TRIOBP: variants seen among roughly 807,000 people sequenced by gnomAD.
TRIOBP encodes TRIO and F-actin-binding protein.
Under a neutral mutation model 238.8 loss-of-function variants are expected in TRIOBP, and 169 were observed. That is an observed-to-expected ratio of 0.71 (90% CI 0.62 to 0.80). The LOEUF is 0.80. Among genes scored for constraint, TRIOBP ranks in the 30% least tolerant of loss-of-function variants. TRIOBP has a pLI of 0.00. For missense variants in TRIOBP, 2,838 were observed against 3,122.6 expected (o/e 0.91, Z 2.17); for synonymous variants, 1,150 against 1,274.4 (o/e 0.90, Z 2.08).
chr22:37,753,335 C>T (rs1352184539), intron 12 of TRIOBP, among the ~76,000 whole-genome samples: 2 of 151,916 alleles, frequency 1.3e-5, no homozygotes, highest in Admixed American at 6.6e-5. Context: ...AGTGCAGTGG[C>T]GCAACCTCGG....
intron 9 of TRIOBP, among the ~76,000 whole-genome samples, chr22:37,735,980 C>T (rs1476346012): frequency 1.3e-5 from 2 of 152,252 alleles, no homozygotes; most frequent in Non-Finnish European, 2.9e-5. Context: ...TCCAGGACAG[C>T]CTCGCTTACC....
Position 37,765,829 on chromosome 22 carries a change from G to GC in TRIOBP, c.6472+12_6472+13insC, listed in dbSNP as rs1555901289. The GC allele has an allele frequency of 7.6e-5, 110 of 1,439,878 alleles. No homozygotes were observed. Among genetic ancestry groups the GC allele is most frequent in the South Asian group, 1.7e-4 (14 of 84,028 alleles). The allele number at this position is 1,439,878 out of a possible 1,614,324, so 89.2% of individuals were successfully genotyped here. ...AGCCACGGCCTCAGGTATGGACCCTGGGGGGGGCACAGTGGGCTGGGCTCT... is the reference window on the plus strand; with the variant it reads ...AGCCACGGCCTCAGGTATGGACCCTGCGGGGGGGCACAGTGGGCTGGGCTCT... On this transcript the variant is annotated intron_variant, in intron 18 of 23. Transcript: ENST00000644935.
At chr22:37,772,893 A>G in intron 23 of TRIOBP, 129 bp downstream of exon 23, 1 of 1,180,934 alleles carries the variant, frequency 8.5e-7, no homozygotes, top group Non-Finnish European at 1.2e-6. Flanking sequence ...TGTAAAAAGG[A>G]CAATGAAACC....
intron 5 of TRIOBP, 42 bp downstream of exon 5, chr22:37,713,453 A>T: frequency 6.2e-7 from 1 of 1,601,362 alleles, no homozygotes; most frequent in Non-Finnish European, 8.5e-7. Context: ...AGTGGCTCAC[A>T]CCTCCATCTG....
rs1469960003 is a variant in TRIOBP at position 37,724,963 on chromosome 22, G to T, written c.2407G>T (p.Ala803Ser). Residue 803 changes from alanine to serine, a missense_variant, in exon 7 of 24, where the codon GCC (alanine) becomes TCC (serine). Physicochemically the swap from Ala to Ser is moderately conservative, Grantham distance 99. Coordinates refer to ENST00000644935, the MANE Select transcript of TRIOBP (RefSeq NM_001039141.3). ...TSCAQRDNLR[A>S]SSPIRATQQD... ...CTGTGCCCAGCGGGACAATCTCAGA[G>T]CCTCCTCTCCCATCAGAGCCACCCA... 10 of 1,613,698 alleles carry T rather than the reference G, an allele frequency of 6.2e-6. No individual in the cohort carries two copies. Among genetic ancestry groups the T allele is most frequent in the Non-Finnish European group, 8.5e-6 (10 of 1,179,954 alleles).
intron 9 of TRIOBP, among the ~76,000 whole-genome samples, chr22:37,737,505 C>T (rs1314557891): frequency 4.0e-5 from 6 of 151,746 alleles, no homozygotes; most frequent in African/African-American, 1.5e-4. Flanking sequence ...ACTAAAAATA[C>T]AAAAAATTAG....
chr22:37,771,705 G>C lies in TRIOBP; in HGVS notation c.6905G>C (p.Cys2302Ser). 6.2e-7 allele frequency: 1 copy of C among 1,614,146 alleles called. No homozygotes were observed. The highest frequency in any genetic ancestry group is 1.3e-5 in the African/African-American group (1 of 75,046). Residue 2302 changes from cysteine to serine, a missense_variant, in exon 22 of 24, where the codon TGC becomes TCC. Around this residue, in one of 5 missense-constraint regions of TRIOBP, gnomAD observed 2,096 missense variants for 2,137.4 expected, o/e 0.98. Coordinates refer to ENST00000644935, the MANE Select transcript of TRIOBP (RefSeq NM_001039141.3). Reference protein sequence around the residue: ...ELQYLKKEVQCLRDELQMMQK... With the variant: ...ELQYLKKEVQSLRDELQMMQK... ...CAGTACCTAAAGAAGGAGGTGCAGT[G>C]CCTCCGGGACGAGCTCCAGATGATG...
chr22:37,713,149 T>C, intron 4 of TRIOBP, 61 bp from the exon 5 acceptor site: 2 of 1,480,114 alleles, frequency 1.4e-6, no homozygotes, highest in Admixed American at 3.9e-5. Context: ...TGCATATGCC[T>C]GGGTGGGGTG....
At chr22:37,759,304 T>C in intron 17 of TRIOBP, 40 bp downstream of exon 17, 1 of 1,589,794 alleles carries the variant, frequency 6.3e-7, no homozygotes, top group South Asian at 1.1e-5. Context: ...AGGGGGCAGA[T>C]TTCTGCTTGC....
intron 8 of TRIOBP, among the ~76,000 whole-genome samples, chr22:37,734,034 C>A (rs996858815): frequency 6.6e-6 from 1 of 152,338 alleles, no homozygotes; most frequent in East Asian, 1.9e-4. Context: ...AGGGCCCTCT[C>A]TTTCAGGGTA....
intron 16 of TRIOBP, among the ~76,000 whole-genome samples, 184 bp from the exon 17 acceptor site, chr22:37,758,970 C>T (rs1187359333): frequency 6.6e-6 from 1 of 152,208 alleles, no homozygotes; most frequent in Non-Finnish European, 1.5e-5. Context: ...AACAGCCCAG[C>T]GTGTCCCCTG....
At chr22:37,769,606 T>C (rs1286661524) in intron 21 of TRIOBP, among the ~76,000 whole-genome samples, 1 of 152,216 alleles carries the variant, frequency 6.6e-6, no homozygotes, top group Non-Finnish European at 1.5e-5. Context: ...CACTCCACTT[T>C]TCTGAGTCCC....
In TRIOBP at chr22:37,701,604, G is replaced by A. The variant is rs996342250; in HGVS notation, c.114+125G>A. ...TGGACTTCCTCCTGTCGAGAGCCTC[G>A]GTTTTCCCACATTGCAGGGAAGTGG... On this transcript the variant is annotated intron_variant, in intron 3 of 23. Coordinates refer to ENST00000644935, the MANE Select transcript of TRIOBP (RefSeq NM_001039141.3). 9.9e-6 allele frequency: 7 copies of A among 706,162 alleles called. No homozygotes were observed. In the East Asian group the frequency reaches 1.1e-4, roughly 11 times the overall value. 43.7% of individuals were successfully genotyped at this position (706,162 alleles called of 1,614,324 possible).
rs1926461309 is a variant in TRIOBP at position 37,765,766 on chromosome 22, C to T, written c.6421C>T (p.Gln2141Ter). ...RHHERELQRL[Q>*]QEKEWLLAEE... ...CCACGAGCGGGAGCTGCAGCGCCTG[C>T]AGCAGGAGAAGGAGTGGCTCCTGGC... The change falls in exon 18 of 24, where the codon CAG becomes TAG. Residue 2141 changes from glutamine to a stop codon, truncating the protein, a stop_gained. Coordinates refer to ENST00000644935, the MANE Select transcript of TRIOBP (RefSeq NM_001039141.3). LOFTEE classifies it high-confidence loss of function. 6 of 1,586,420 alleles carry T rather than the reference C, an allele frequency of 3.8e-6. No homozygotes were observed. The highest frequency in any genetic ancestry group is 1.8e-5 in the Admixed American group (1 of 56,356).
chr22:37,769,380 G>A lies in TRIOBP; in HGVS notation c.6849+5G>A. 6.3e-7 allele frequency: 1 copy of A among 1,596,370 alleles called. No individual in the cohort carries two copies. Among genetic ancestry groups the A allele is most frequent in the Non-Finnish European group, 8.5e-7 (1 of 1,174,030 alleles). On this transcript the variant is annotated splice_donor_5th_base_variant and intron_variant, in intron 21 of 23. Transcript: ENST00000644935. ...CGGAGTTCCTGCGAGCTAGAGGTGA[G>A]TGTCCTCACTAGCACCAGGCAGCCC...
intron 11 of TRIOBP, among the ~76,000 whole-genome samples, chr22:37,745,639 T>TA (rs969823502): frequency 1.9e-4 from 29 of 152,222 alleles, no homozygotes; most frequent in African/African-American, 6.8e-4. Context: ...GCTTACTCGC[T>TA]AGGAATTCCG....
intron 2 of TRIOBP, among the ~76,000 whole-genome samples, chr22:37,700,235 T>C (rs1922574078): frequency 6.6e-6 from 1 of 151,516 alleles, no homozygotes; most frequent in African/African-American, 2.4e-5. Context: ...ATTCTAACTG[T>C]GTGAATTGGG....
rs1926461628 is a variant in TRIOBP at position 37,765,772 on chromosome 22, GAGA to G, written c.6430_6432del (p.Lys2144del). ...GCGGGAGCTGCAGCGCCTGCAGCAGGAGAAGGAGTGGCTCCTGGCTGAGGAGAC... is the reference window on the plus strand; with the variant it reads ...GCGGGAGCTGCAGCGCCTGCAGCAGGAGGAGTGGCTCCTGGCTGAGGAGAC... On this transcript the variant is annotated inframe_deletion, in exon 18 of 24. Coordinates refer to ENST00000644935, the MANE Select transcript of TRIOBP (RefSeq NM_001039141.3). The G allele has an allele frequency of 2.5e-6, 4 of 1,589,342 alleles. No individual in the cohort carries two copies. The highest frequency in any genetic ancestry group is 2.7e-5 in the African/African-American group (2 of 74,448).
In TRIOBP at chr22:37,735,358, G is replaced by T. The variant is rs769430587; in HGVS notation, c.5022G>T (p.Ala1674=). 6.2e-7 allele frequency: 1 copy of T among 1,612,684 alleles called. No homozygotes were observed. Among genetic ancestry groups the T allele is most frequent in the Non-Finnish European group, 8.5e-7 (1 of 1,179,644 alleles). ...AGATCAAAGTGACAAGAGGACCAGC[G>T]ACCGCAACTCTGGCAGGCCTGGAGC... is the stretch of plus-strand genomic sequence containing the variant. ...WPKIKVTRGP[A]TATLAGLEQT... is the part of the protein sequence containing the mutation. Residue 1674 remains alanine, a synonymous_variant, in exon 9 of 24, where the codon GCG becomes GCT. Transcript: ENST00000644935.
Sources: allele counts gnomAD v4.1 joint callset (sites outside exome capture counted in the v4.1 genomes callset), GRCh38; gene constraint gnomAD v4.1.1; regional missense constraint gnomAD v4.1.1; transcripts MANE v1.5; gene names NCBI Gene and HGNC (gene_info 2026-07-23, HGNC 2026-07-21).